Variants in UNC13C observed in about 807,000 individuals in gnomAD.
The protein encoded by UNC13C is protein unc-13 homolog C.
In UNC13C, 174 loss-of-function variants were observed where a neutral mutation model predicts 245.4. That is an observed-to-expected ratio of 0.71 (90% confidence interval 0.63 to 0.80). The LOEUF (loss-of-function observed/expected upper bound fraction) is 0.80, where lower values mean the gene tolerates loss of function less well. Ranked by LOEUF, UNC13C falls within the 30% of genes least tolerant of loss-of-function variation. UNC13C has a pLI of 0.00. For missense variants in UNC13C, 2,829 were observed against 2,602.9 expected, an observed-to-expected ratio of 1.09 and a Z score of -1.89; for synonymous variants, 992 against 895.1, an observed-to-expected ratio of 1.11 and a Z score of -1.93.
At chr15:53,885,387 C>T in the UNC13C span, among the ~76,000 whole-genome samples, 2 of 152,190 alleles carry the variant, frequency 1.3e-5, no homozygotes, top group Non-Finnish European at 2.9e-5. Flanking sequence ...TTTAAAGACC[C>T]TTATTCCAGA....
At chr15:54,454,010 A>G (rs978124867) in intron 19 of UNC13C, among the ~76,000 whole-genome samples, 2 of 152,132 alleles carry the variant, frequency 1.3e-5, no homozygotes, top group East Asian at 1.9e-4. Flanking sequence ...TATAAATGCA[A>G]TCATAAAATA....
the UNC13C span, among the ~76,000 whole-genome samples, chr15:53,854,122 G>GTTTTTTTGTTTTTTT: frequency 7.5e-6 from 1 of 133,578 alleles, no homozygotes; most frequent in Non-Finnish European, 1.6e-5. Context: ...GTTTTTATAG[G>GTTTTTTTGTTTTTTT]TTTTTTTTTT....
intron 1 of UNC13C, among the ~76,000 whole-genome samples, chr15:54,003,946 G>C (rs1449263401): frequency 6.6e-6 from 1 of 152,136 alleles, no homozygotes; most frequent in Non-Finnish European, 1.5e-5. Context: ...GGAAGGGGCA[G>C]CTTGCAGTGA....
intron 2 of UNC13C, among the ~76,000 whole-genome samples, chr15:54,018,701 C>T (rs1457539261): frequency 6.6e-6 from 1 of 152,188 alleles, no homozygotes. Flanking sequence ...CTGGAATTAA[C>T]TATTTATTGT....
intron 1 of UNC13C, among the ~76,000 whole-genome samples, chr15:54,004,427 TG>T (rs1367746386): frequency 6.6e-6 from 1 of 152,238 alleles, no homozygotes; most frequent in Non-Finnish European, 1.5e-5. Context: ...ACACTTAGGT[TG>T]CTTCCAAATC....
intron 2 of UNC13C, among the ~76,000 whole-genome samples, chr15:54,073,820 C>A (rs1402522884): frequency 6.6e-6 from 1 of 152,122 alleles, no homozygotes; most frequent in Non-Finnish European, 1.5e-5. Flanking sequence ...TTCTCCCATT[C>A]TGTAGGTTGC....
chr15:54,275,801 G>C (rs751239006), intron 10 of UNC13C, among the ~76,000 whole-genome samples: 2 of 152,042 alleles, frequency 1.3e-5, no homozygotes, highest in Non-Finnish European at 2.9e-5. Context: ...ACAAAGACTT[G>C]TATACAGATA....
At chr15:54,322,609 C>T (rs2038192285) in intron 14 of UNC13C, among the ~76,000 whole-genome samples, 1 of 151,980 alleles carries the variant, frequency 6.6e-6, no homozygotes, top group Non-Finnish European at 1.5e-5. Flanking sequence ...GGCTGTCCAT[C>T]TGACATATGC....
chr15:54,322,839 A>C (rs1337086404), intron 14 of UNC13C, among the ~76,000 whole-genome samples: 1 of 151,980 alleles, frequency 6.6e-6, no homozygotes, highest in Non-Finnish European at 1.5e-5. Context: ...ATAGATACCA[A>C]AGGTTTTCAG....
At position 54,477,947 on chromosome 15, in the gene UNC13C, T is replaced by C. The variant is rs565695774; in HGVS notation, c.4934-16661T>C. On this transcript the variant is annotated intron_variant, in intron 19 of 32. Transcript: ENST00000260323. Reference sequence around the variant, plus strand: ...GTGAATCCATCTGGTCCTGGACTCTTTTTGGTTGGTAAGCTGTTGATTATT... The same window carrying C: ...GTGAATCCATCTGGTCCTGGACTCTCTTTGGTTGGTAAGCTGTTGATTATT... 7.5e-5 allele frequency among the ~76,000 whole-genome samples: 11 copies of C among 146,624 alleles called. No homozygotes were observed. The South Asian group carries it at 2.5e-3, about 33-fold the overall frequency.
At chr15:53,986,521 C>T (rs997130410) in intron 1 of UNC13C, among the ~76,000 whole-genome samples, 1 of 151,952 alleles carries the variant, frequency 6.6e-6, no homozygotes. Flanking sequence ...ATGAATAAGA[C>T]ATTTCTTAGA....
intron 19 of UNC13C, among the ~76,000 whole-genome samples, chr15:54,440,141 A>T (rs1486771953): frequency 4.6e-5 from 7 of 151,948 alleles, no homozygotes; most frequent in Non-Finnish European, 7.4e-5. Flanking sequence ...TGATAGCTTT[A>T]TAAGTGTCTA....
intron 30 of UNC13C, among the ~76,000 whole-genome samples, chr15:54,573,929 G>A (rs1003910382): frequency 2.6e-5 from 4 of 152,192 alleles, no homozygotes; most frequent in Non-Finnish European, 4.4e-5. Context: ...GACAGAAAAG[G>A]CAGAGAGGTA....
intron 17 of UNC13C, among the ~76,000 whole-genome samples, chr15:54,363,175 C>T (rs2039275618): frequency 6.6e-6 from 1 of 152,226 alleles, no homozygotes; most frequent in Admixed American, 6.5e-5. Flanking sequence ...ATGGCACGAT[C>T]TCGGCTCACT....
chr15:54,246,103 CT>C (rs1416096104), intron 7 of UNC13C, among the ~76,000 whole-genome samples: 4 of 152,142 alleles, frequency 2.6e-5, no homozygotes, highest in African/African-American at 9.7e-5. Flanking sequence ...ATCTCAGGCT[CT>C]TTTTAGTTTC....
intron 14 of UNC13C, among the ~76,000 whole-genome samples, chr15:54,328,436 A>C (rs929399971): frequency 6.6e-6 from 1 of 152,048 alleles, no homozygotes; most frequent in African/African-American, 2.4e-5. Flanking sequence ...TTTTTATCTT[A>C]TTCCTGAAAA....
chr15:54,274,351 TATC>T (rs1202448061), intron 10 of UNC13C, among the ~76,000 whole-genome samples: 1 of 152,174 alleles, frequency 6.6e-6, no homozygotes, highest in Non-Finnish European at 1.5e-5. Context: ...TCATTGCAAA[TATC>T]ATTATAATTA....
the UNC13C span, among the ~76,000 whole-genome samples, chr15:53,951,612 G>C: frequency 6.6e-6 from 1 of 152,182 alleles, no homozygotes; most frequent in Non-Finnish European, 1.5e-5. Context: ...TTGGCTTTGA[G>C]AGGCTAAGCA....
At chr15:54,022,998 G>A (rs552499461) in intron 2 of UNC13C, among the ~76,000 whole-genome samples, 7 of 152,318 alleles carry the variant, frequency 4.6e-5, no homozygotes, top group Admixed American at 4.6e-4. Context: ...ATATGTATAA[G>A]GAGATTAGTC....
Sources: allele counts gnomAD v4.1 joint callset (sites outside exome capture counted in the v4.1 genomes callset), GRCh38; gene constraint gnomAD v4.1.1; transcripts MANE v1.5; gene names NCBI Gene and HGNC (gene_info 2026-07-23, HGNC 2026-07-21).